Variants in ALK observed in about 807,000 individuals in gnomAD.
The protein encoded by ALK is ALK tyrosine kinase receptor.
A neutral mutation model predicts 163.1 loss-of-function variants in ALK; 74 were observed. The ratio of observed to expected loss-of-function variants is 0.45; its 90% CI spans 0.38 to 0.55. The LOEUF is 0.55. Among genes scored for constraint, ALK ranks in the 20% least tolerant of loss-of-function variants. The pLI, the probability that ALK is intolerant of heterozygous loss-of-function variation, is 0.00. For synonymous variants in ALK, 960 were observed against 843.2 expected (o/e 1.14, Z -2.40); for missense variants, 2,063 against 2,105.3 (o/e 0.98, Z 0.39).
At chr2:29,412,795 A>G (rs1669754760) in intron 4 of ALK, among the ~76,000 whole-genome samples, 1 of 152,232 alleles carries the variant, frequency 6.6e-6, no homozygotes, top group Admixed American at 6.5e-5. Context: ...CAACATTGCA[A>G]ACAAGCTTTT....
chr2:29,404,346 C>T (rs1669529942), intron 4 of ALK, among the ~76,000 whole-genome samples: 1 of 150,706 alleles, frequency 6.6e-6, no homozygotes, highest in Non-Finnish European at 1.5e-5. Flanking sequence ...TCAAACTTGC[C>T]TAGTTTCCTC....
intron 3 of ALK, among the ~76,000 whole-genome samples, chr2:29,674,052 T>C (rs1677793817): frequency 7.0e-6 from 1 of 141,850 alleles, no homozygotes; most frequent in Non-Finnish European, 1.5e-5. Flanking sequence ...TGAAGTTGCT[T>C]ATCAGCTTAA....
intron 11 of ALK, among the ~76,000 whole-genome samples, chr2:29,266,211 C>T (rs1005647673): frequency 6.6e-6 from 1 of 152,158 alleles, no homozygotes; most frequent in African/African-American, 2.4e-5. Context: ...TCATTTATTT[C>T]CCCCAAGGGG....
chr2:29,227,198 C>T lies in ALK; in HGVS notation c.2915-124G>A. 2 of 1,229,434 alleles carry T rather than the reference C, an allele frequency of 1.6e-6. No individual in the cohort carries two copies. Among genetic ancestry groups the T allele is most frequent in the Non-Finnish European group, 2.4e-6 (2 of 840,108 alleles). 76.2% of individuals were successfully genotyped at this position (1,229,434 alleles called of 1,614,324 possible). On this transcript the variant is annotated intron_variant, in intron 17 of 28. Transcript: ENST00000389048. This position sits in a 1 kb window ranked among gnomAD's most constrained non-coding sequence, Gnocchi z 4.4. Reference sequence around the variant, plus strand: ...GGTCCCTGTTCCTAGGTCCCATAGCCACTGGAAGCACAACTGTGTAGAAGA... The same window carrying T: ...GGTCCCTGTTCCTAGGTCCCATAGCTACTGGAAGCACAACTGTGTAGAAGA...
At chr2:29,197,431 G>A in intron 27 of ALK, 111 bp downstream of exon 27, 1 of 1,495,846 alleles carries the variant, frequency 6.7e-7, no homozygotes, top group East Asian at 2.3e-5. Flanking sequence ...CATATTAAAG[G>A]GAGGGCAGCC....
intron 1 of ALK, among the ~76,000 whole-genome samples, chr2:29,902,017 T>C (rs1223512952): frequency 1.3e-5 from 2 of 152,210 alleles, no homozygotes; most frequent in African/African-American, 4.8e-5. Context: ...ATTTCTCTTA[T>C]CTTCCAAAAA....
At chr2:29,640,799 T>A (rs1006924366) in intron 3 of ALK, among the ~76,000 whole-genome samples, 3 of 152,124 alleles carry the variant, frequency 2.0e-5, no homozygotes, top group Non-Finnish European at 4.4e-5. Context: ...CCGCTACCAA[T>A]GGTGAAGTGC....
intron 3 of ALK, among the ~76,000 whole-genome samples, chr2:29,550,019 A>G (rs113546354): frequency 0.015 from 2,336 of 152,280 alleles, 14 homozygotes; most frequent in Middle Eastern, 0.058. Context: ...GTCCCTTTAC[A>G]AATCTATGGC....
At chr2:29,446,088 G>T (rs1399837182) in intron 4 of ALK, among the ~76,000 whole-genome samples, 1 of 83,252 alleles carries the variant, frequency 1.2e-5, no homozygotes, top group Admixed American at 2.1e-4. Flanking sequence ...GACAGAGCGA[G>T]ACTCCGTCTC....
intron 3 of ALK, among the ~76,000 whole-genome samples, chr2:29,574,946 T>C (rs1055220941): frequency 6.6e-6 from 1 of 152,166 alleles, no homozygotes; most frequent in Non-Finnish European, 1.5e-5. Flanking sequence ...AGGTGTTACA[T>C]TATTAATACC....
At chr2:29,240,097 CAGGGAGGAGGG>C (rs1664483661) in intron 12 of ALK, among the ~76,000 whole-genome samples, 2 of 144,678 alleles carry the variant, frequency 1.4e-5, no homozygotes, top group Admixed American at 7.1e-5. Flanking sequence ...AGGAAAAGGG[CAGGGAGGAGGG>C]AGGGAAGAAG....
intron 26 of ALK, among the ~76,000 whole-genome samples, chr2:29,206,797 G>GTGTGTA (rs1669322725): frequency 7.0e-6 from 1 of 143,156 alleles, no homozygotes; most frequent in Non-Finnish European, 1.5e-5. Flanking sequence ...GTGTGTGTGT[G>GTGTGTA]TGTATGTATG....
At chr2:29,790,333 C>A (rs1350637452) in intron 1 of ALK, among the ~76,000 whole-genome samples, 1 of 152,066 alleles carries the variant, frequency 6.6e-6, no homozygotes, top group African/African-American at 2.4e-5. Flanking sequence ...CTCCAAGAGC[C>A]ATGTCTATGC....
chr2:29,859,711 C>T (rs773305183), intron 1 of ALK, among the ~76,000 whole-genome samples: 1 of 151,966 alleles, frequency 6.6e-6, no homozygotes, highest in Non-Finnish European at 1.5e-5. Context: ...TTCCAGCCTG[C>T]GTGAACAGGA....
chr2:29,739,240 T>TAAAAAA lies in ALK; in HGVS notation c.668-21549_668-21544dup, dbSNP rs57381961. On this transcript the variant is annotated intron_variant, in intron 1 of 28. Transcript: ENST00000389048. ...GGCAACAGGGCAAGACAGTCTCTCT[T>TAAAAAA]AAAAAAAAAAAAAAAAAAAAAAAAA... 9.0e-3 allele frequency among the ~76,000 whole-genome samples: 361 copies of TAAAAAA among 40,332 alleles called. 23 individuals are homozygous for TAAAAAA. The highest frequency in any genetic ancestry group is 0.035 in the African/African-American group (341 of 9,746). 26.5% of individuals were successfully genotyped at this position (40,332 alleles called of 152,430 possible).
intron 3 of ALK, among the ~76,000 whole-genome samples, chr2:29,561,807 T>A (rs1294454938): frequency 6.6e-6 from 1 of 152,142 alleles, no homozygotes; most frequent in Non-Finnish European, 1.5e-5. Flanking sequence ...TGGCTCCCCA[T>A]GAAAATGACC....
intron 26 of ALK, among the ~76,000 whole-genome samples, chr2:29,204,904 A>G (rs965189700): frequency 6.6e-6 from 1 of 152,098 alleles, no homozygotes; most frequent in African/African-American, 2.4e-5. Context: ...ACTTATCACT[A>G]TTGAGGTTGA....
intron 3 of ALK, among the ~76,000 whole-genome samples, chr2:29,592,110 G>C (rs1369183535): frequency 1.3e-5 from 2 of 152,064 alleles, no homozygotes; most frequent in African/African-American, 4.8e-5. Flanking sequence ...GTGAGAGTTG[G>C]GCAGTGGCAG....
intron 4 of ALK, among the ~76,000 whole-genome samples, chr2:29,399,327 G>C (rs1669387884): frequency 6.6e-6 from 1 of 152,172 alleles, no homozygotes; most frequent in Non-Finnish European, 1.5e-5. Flanking sequence ...CCACAGCAAG[G>C]GTGAGTCCTT....
Sources: gnomAD v4.1 joint callset for allele counts (sites outside exome capture counted in the v4.1 genomes callset) on GRCh38, gnomAD v4.1.1 for gene constraint, Gnocchi (gnomAD v3.1) non-coding constraint, MANE v1.5 for transcripts, NCBI Gene and HGNC (gene_info 2026-07-23, HGNC 2026-07-21) for gene names.